The following CNTNAP3B variants were observed in gnomAD, a reference collection of about 807,000 sequenced individuals.
CNTNAP3B encodes contactin-associated protein-like 3B.
In CNTNAP3B, 25 loss-of-function variants were observed where a neutral mutation model predicts 108.9. The ratio of observed to expected loss-of-function variants is 0.23; its 90% CI spans 0.17 to 0.32. The LOEUF is 0.32. Among genes scored for constraint, CNTNAP3B ranks in the 10% least tolerant of loss-of-function variants. CNTNAP3B has a pLI of 1.00. For synonymous variants in CNTNAP3B, 103 were observed against 473.4 expected (o/e 0.22, Z 10.16); for missense variants, 252 against 1,210.4 (o/e 0.21, Z 11.75).
intron 1 of CNTNAP3B, among the ~76,000 whole-genome samples, chr9:42,113,016 A>T (rs1265480117): frequency 7.5e-6 from 1 of 133,458 alleles, no homozygotes; most frequent in Non-Finnish European, 1.6e-5. Context: ...CAACCTCCCA[A>T]AGTGCTGGGA....
At chr9:41,942,333 G>A (rs1262146991) in intron 13 of CNTNAP3B, among the ~76,000 whole-genome samples, 1,492 of 151,298 alleles carry the variant, frequency 9.9e-3, no homozygotes, top group Non-Finnish European at 0.012. Flanking sequence ...AAATTGGGTC[G>A]GGTGAGGTGG....
At chr9:41,931,695 G>A (rs1041221350) in intron 14 of CNTNAP3B, among the ~76,000 whole-genome samples, 3 of 150,460 alleles carry the variant, frequency 2.0e-5, no homozygotes, top group Admixed American at 2.0e-4. Flanking sequence ...TGGACTGATG[G>A]TAGACAAGCT....
At chr9:41,923,721 C>T (rs1823730616) in intron 16 of CNTNAP3B, 2 of 1,000,450 alleles carry the variant, frequency 2.0e-6, no homozygotes, top group South Asian at 1.8e-5. Flanking sequence ...AAGATAATGC[C>T]ACTGCACTCC....
At chr9:41,945,673 A>T (rs1182121993) in intron 13 of CNTNAP3B, among the ~76,000 whole-genome samples, 1 of 152,310 alleles carries the variant, frequency 6.6e-6, no homozygotes, top group Non-Finnish European at 1.5e-5. Context: ...GTAAATGATG[A>T]GTTAATGGGT....
At chr9:41,953,063 G>C (rs926882580) in intron 13 of CNTNAP3B, 120 bp downstream of exon 13, 1 of 1,200,770 alleles carries the variant, frequency 8.3e-7, no homozygotes, top group African/African-American at 1.6e-5. Context: ...AGAGCGGTCA[G>C]GGCTTTGAAC....
At chr9:42,037,211 G>A (rs1587219229) in intron 3 of CNTNAP3B, among the ~76,000 whole-genome samples, 1 of 147,548 alleles carries the variant, frequency 6.8e-6, no homozygotes, top group African/African-American at 2.6e-5. Context: ...ACTTTGATGA[G>A]TTGAGAGAAG....
At chr9:41,953,161 A>T (rs1310448516) in intron 13 of CNTNAP3B, 22 bp downstream of exon 13, 7 of 1,511,296 alleles carry the variant, frequency 4.6e-6, no homozygotes, top group Non-Finnish European at 6.1e-6. Flanking sequence ...GAGCCCCTGT[A>T]GCCTCCAGCA....
At position 42,003,226 on chromosome 9, in the gene CNTNAP3B, A is replaced by C. The variant is rs1312159012; in HGVS notation, c.539-4622T>G. ...TTTCACACCCAGAATGTACTCTTAA[A>C]TCTGGCTTCTCATTACTACTTTTCT... On this transcript the variant is annotated intron_variant, in intron 4 of 23. Transcript: ENST00000377561. Among the ~76,000 whole-genome samples, 25 of 130,716 alleles carry C rather than the reference A, an allele frequency of 1.9e-4. 1 individual carries two copies. Among genetic ancestry groups the C allele is most frequent in the Non-Finnish European group, 3.4e-4 (21 of 61,794 alleles). 85.8% of individuals were successfully genotyped at this position (130,716 alleles called of 152,430 possible).
chr9:42,076,173 G>C (rs2118611184), intron 3 of CNTNAP3B, among the ~76,000 whole-genome samples: 1 of 66,296 alleles, frequency 1.5e-5, no homozygotes, highest in South Asian at 5.7e-4. Flanking sequence ...CCAGCACTTT[G>C]GGAGGTCAAG....
intron 13 of CNTNAP3B, among the ~76,000 whole-genome samples, chr9:41,940,081 A>T (rs1175020567): frequency 3.9e-5 from 6 of 152,302 alleles, no homozygotes; most frequent in East Asian, 1.9e-4. Flanking sequence ...CTGACCAAAA[A>T]AGAGAAAACA....
At position 41,968,974 on chromosome 9, in the gene CNTNAP3B, T is replaced by G. The variant is rs1360128915; in HGVS notation, c.1649+1100A>C. 1.6e-4 allele frequency among the ~76,000 whole-genome samples: 24 copies of G among 152,368 alleles called. No homozygotes were observed. In the South Asian group the frequency reaches 4.4e-3, roughly 28 times the overall value. ...ACCATGCCTGGCTAATTTTTTGCAT[T>G]TTTAGTAGAGACGGGGTTTCACCAT... On this transcript the variant is annotated intron_variant, in intron 10 of 23. Transcript: ENST00000377561.
chr9:41,916,286 A>G (rs1253922485), intron 18 of CNTNAP3B, among the ~76,000 whole-genome samples: 25 of 148,156 alleles, frequency 1.7e-4, no homozygotes, highest in African/African-American at 5.5e-4. Context: ...ATGAAAATAT[A>G]TACATTATAT....
chr9:42,003,411 A>G (rs1340583581), intron 4 of CNTNAP3B, among the ~76,000 whole-genome samples: 2 of 88,242 alleles, frequency 2.3e-5, no homozygotes, highest in African/African-American at 7.6e-5. Context: ...AAAAAAAAAA[A>G]ACACGATTCC....
intron 16 of CNTNAP3B, among the ~76,000 whole-genome samples, chr9:41,923,633 G>A (rs953565158): frequency 7.1e-4 from 108 of 152,332 alleles, no homozygotes; most frequent in African/African-American, 1.9e-3. Context: ...ATGGTGGTGC[G>A]TGCCTATAGT....
intron 4 of CNTNAP3B, among the ~76,000 whole-genome samples, chr9:42,012,921 A>T (rs1338507797): frequency 1.0e-5 from 1 of 96,724 alleles, no homozygotes; most frequent in African/African-American, 3.9e-5. Context: ...AAGCGACAGC[A>T]TGGTGTGCAA....
At position 42,126,802 on chromosome 9, in the gene CNTNAP3B, T is replaced by A. The variant is rs1412977143; in HGVS notation, c.85+2208A>T. Among the ~76,000 whole-genome samples the A allele has an allele frequency of 2.2e-5, 3 of 137,776 alleles. No individual in the cohort carries two copies. In the East Asian group the frequency reaches 6.6e-4, roughly 30 times the overall value. The allele number at this position is 137,776 out of a possible 152,430, so 90.4% of individuals were successfully genotyped here. ...CCAAGCTGGTCTCGAACTCCTGACC[T>A]CAGGTGATCCACCCACCTCGGCCTC... is the stretch of plus-strand genomic sequence containing the variant. On this transcript the variant is annotated intron_variant, in intron 1 of 23. Coordinates refer to ENST00000377561, the MANE Select transcript of CNTNAP3B (RefSeq NM_001201380.3).
At chr9:41,921,683 G>A (rs1157146103) in intron 17 of CNTNAP3B, among the ~76,000 whole-genome samples, 1 of 152,290 alleles carries the variant, frequency 6.6e-6, no homozygotes, top group African/African-American at 2.4e-5. Flanking sequence ...CAGTAAGTAA[G>A]CAAACTAAAG....
chr9:41,930,583 C>T (rs1422252109), intron 14 of CNTNAP3B, among the ~76,000 whole-genome samples: 6 of 151,988 alleles, frequency 3.9e-5, no homozygotes, highest in South Asian at 2.1e-4. Context: ...AAACACTCAG[C>T]GCTCACCTTT....
At chr9:42,041,886 C>A (rs1317124421) in intron 3 of CNTNAP3B, among the ~76,000 whole-genome samples, 2 of 145,268 alleles carry the variant, frequency 1.4e-5, no homozygotes, top group African/African-American at 5.3e-5. Context: ...CACATATACA[C>A]CATGGAATAC....
Sources: gnomAD v4.1 joint callset for allele counts (sites outside exome capture counted in the v4.1 genomes callset) on GRCh38, gnomAD v4.1.1 for gene constraint, MANE v1.5 for transcripts, NCBI Gene and HGNC (gene_info 2026-07-23, HGNC 2026-07-21) for gene names.